ARNT2: variants seen among roughly 807,000 people sequenced by gnomAD.
ARNT2 encodes the protein ARNT protein 2.
ARNT2 carries 36 observed loss-of-function variants against 91.7 expected under a neutral mutation model. The ratio of observed to expected loss-of-function variants is 0.39; its 90% CI spans 0.30 to 0.52. ARNT2 has a LOEUF of 0.52. Among genes scored for constraint, ARNT2 ranks in the 20% least tolerant of loss-of-function variants. ARNT2 has a pLI of 0.72. For synonymous variants in ARNT2, 365 were observed against 347.1 expected, an observed-to-expected ratio of 1.05 and a Z score of -0.57; for missense variants, 775 against 939.3, an observed-to-expected ratio of 0.83 and a Z score of 2.29.
intron 17 of ARNT2, among the ~76,000 whole-genome samples, chr15:80,584,020 C>T (rs1680554963): frequency 1.3e-5 from 2 of 152,180 alleles, no homozygotes; most frequent in Admixed American, 6.5e-5. Context: ...TTACCTTTGG[C>T]CACAGCTATT....
rs944396155 is a variant in ARNT2, at chr15:80,594,830, T to C, written c.*1132T>C. Reference sequence around the variant, plus strand: ...CACATGGGCACCATGAAACACTTTCTTCCAGGCCACCTGAGCCTTCGTTCT... The same window carrying C: ...CACATGGGCACCATGAAACACTTTCCTCCAGGCCACCTGAGCCTTCGTTCT... On this transcript the variant is annotated 3_prime_UTR_variant, in exon 19 of 19. Coordinates refer to ENST00000303329, the MANE Select transcript of ARNT2 (RefSeq NM_014862.4). 5 of 152,270 alleles carry C rather than the reference T, an allele frequency of 3.3e-5. No homozygotes were observed. Among genetic ancestry groups the C allele is most frequent in the African/African-American group, 1.2e-4 (5 of 41,430 alleles). The allele number at this position is 152,270 out of a possible 1,614,324, so 9.4% of individuals were successfully genotyped here.
At chr15:80,459,665 G>A (rs921554256) in intron 3 of ARNT2, among the ~76,000 whole-genome samples, 3 of 152,108 alleles carry the variant, frequency 2.0e-5, no homozygotes, top group African/African-American at 7.2e-5. Flanking sequence ...TATTAGGCCC[G>A]ATCATTAAGA....
chr15:80,501,870 G>A (rs985260129), intron 5 of ARNT2, among the ~76,000 whole-genome samples: 4 of 152,238 alleles, frequency 2.6e-5, no homozygotes, highest in Non-Finnish European at 5.9e-5. Context: ...CGCATATGGA[G>A]GAGCCATGTC....
At chr15:80,433,783 G>C (rs1196699267) in intron 1 of ARNT2, 4 of 152,178 alleles carry the variant, frequency 2.6e-5, no homozygotes, top group Admixed American at 6.5e-5. Flanking sequence ...CCTTCAGAAT[G>C]ACCCAAAGAT....
chr15:80,539,014 A>T (rs965439999), intron 8 of ARNT2, among the ~76,000 whole-genome samples: 6 of 152,004 alleles, frequency 3.9e-5, no homozygotes, highest in South Asian at 2.1e-4. Context: ...ATCAAAAAAA[A>T]TTTTTTTTCT....
intron 12 of ARNT2, among the ~76,000 whole-genome samples, chr15:80,564,345 C>A (rs1898432918): frequency 6.6e-6 from 1 of 152,126 alleles, no homozygotes; most frequent in Non-Finnish European, 1.5e-5. Flanking sequence ...CCTGGCTCTG[C>A]CCTCTGTTGC....
chr15:80,436,473 G>C (rs1325248549), intron 1 of ARNT2: 1 of 154,396 alleles, frequency 6.5e-6, no homozygotes, highest in African/African-American at 2.4e-5. Flanking sequence ...CCCCATCGTG[G>C]TGCCACCTCC....
At chr15:80,418,622 G>A (rs1289380379) in intron 1 of ARNT2, among the ~76,000 whole-genome samples, 1 of 152,200 alleles carries the variant, frequency 6.6e-6, no homozygotes, top group East Asian at 1.9e-4. Flanking sequence ...CTGACCAGAT[G>A]GGATCTGACC....
intron 8 of ARNT2, among the ~76,000 whole-genome samples, chr15:80,518,927 G>A (rs1413437656): frequency 6.6e-6 from 1 of 152,060 alleles, no homozygotes; most frequent in Non-Finnish European, 1.5e-5. Flanking sequence ...ACCAGAGATT[G>A]GGGGGGTGAT....
intron 8 of ARNT2, among the ~76,000 whole-genome samples, chr15:80,532,189 G>A (rs1425689336): frequency 6.6e-6 from 1 of 152,118 alleles, no homozygotes; most frequent in Non-Finnish European, 1.5e-5. Context: ...ATTTCCTGAA[G>A]CCTTGAGAGG....
chr15:80,422,147 G>C (rs1895869805), intron 1 of ARNT2, among the ~76,000 whole-genome samples: 1 of 152,134 alleles, frequency 6.6e-6, no homozygotes, highest in African/African-American at 2.4e-5. Context: ...AGGGAAGTTA[G>C]GTGTATTAAG....
intron 12 of ARNT2, among the ~76,000 whole-genome samples, chr15:80,567,846 G>A (rs555233475): frequency 5.9e-5 from 9 of 152,188 alleles, no homozygotes; most frequent in Non-Finnish European, 1.0e-4. Context: ...TACTGTGGAC[G>A]GTAGAGGGCA....
In ARNT2 at chr15:80,447,553, A is replaced by G. The variant is rs117133236; in HGVS notation, c.32-3327A>G. Among the ~76,000 whole-genome samples, 442 of 152,312 alleles carry G rather than the reference A, an allele frequency of 2.9e-3. 4 individuals are homozygous for G. The highest frequency in any genetic ancestry group is 5.3e-3 in the Non-Finnish European group (362 of 68,028). ...CTTGTCTTTGGGACTGTCACCTCCA[A>G]CCTGAACAGGGACCTTCCTAAGCCA... is the stretch of plus-strand genomic sequence containing the variant. On this transcript the variant is annotated intron_variant, in intron 1 of 18. Transcript: ENST00000303329.
chr15:80,408,024 A>T (rs1895625738), intron 1 of ARNT2, among the ~76,000 whole-genome samples: 1 of 152,222 alleles, frequency 6.6e-6, no homozygotes. Flanking sequence ...GGATTTCAAA[A>T]TTATGTTTTA....
chr15:80,476,273 G>A (rs184088216), intron 5 of ARNT2, among the ~76,000 whole-genome samples: 149 of 152,272 alleles, frequency 9.8e-4, no homozygotes, highest in African/African-American at 3.0e-3. Flanking sequence ...ATAACACACC[G>A]TGGGCCGAGA....
intron 6 of ARNT2, among the ~76,000 whole-genome samples, chr15:80,512,075 T>C (rs984475934): frequency 4.6e-5 from 7 of 152,220 alleles, no homozygotes; most frequent in Non-Finnish European, 1.0e-4. Flanking sequence ...TTGCGTACTA[T>C]GAATTTCCAA....
At chr15:80,550,627 C>T (rs1038034570) in intron 8 of ARNT2, among the ~76,000 whole-genome samples, 4 of 152,216 alleles carry the variant, frequency 2.6e-5, no homozygotes, top group Non-Finnish European at 2.9e-5. Context: ...ATTGTTTTAA[C>T]CAGTTCCTTT....
chr15:80,495,041 G>T (rs1011352962), intron 5 of ARNT2, among the ~76,000 whole-genome samples: 1 of 152,080 alleles, frequency 6.6e-6, no homozygotes, highest in Non-Finnish European at 1.5e-5. Flanking sequence ...CCTATTAGTC[G>T]CAATGCTAAG....
intron 12 of ARNT2, among the ~76,000 whole-genome samples, chr15:80,571,075 A>G (rs1898575271): frequency 6.6e-6 from 1 of 152,170 alleles, no homozygotes; most frequent in African/African-American, 2.4e-5. Context: ...AACAGAATCC[A>G]ACTTATTTTG....
Sources: allele counts gnomAD v4.1 joint callset (sites outside exome capture counted in the v4.1 genomes callset), GRCh38; gene constraint gnomAD v4.1.1; transcripts MANE v1.5; gene names NCBI Gene and HGNC (gene_info 2026-07-23, HGNC 2026-07-21).